The following EML1 variants were observed in gnomAD, a reference collection of about 807,000 sequenced individuals.
EML1 encodes echinoderm microtubule-associated protein-like 1.
EML1 carries 27 observed loss-of-function variants against 110.4 expected under a neutral mutation model. The ratio of observed to expected loss-of-function variants is 0.24; its 90% CI spans 0.18 to 0.34. The LOEUF (loss-of-function observed/expected upper bound fraction) is 0.34. Ranked by LOEUF, EML1 falls within the 10% of genes least tolerant of loss-of-function variation. EML1 has a pLI of 1.00. For missense variants in EML1, 741 were observed against 1,030.9 expected, an observed-to-expected ratio of 0.72 and a Z score of 3.85; for synonymous variants, 344 against 385.8, an observed-to-expected ratio of 0.89 and a Z score of 1.27.
At chr14:99,878,866 A>G (rs1240116912) in intron 4 of EML1, among the ~76,000 whole-genome samples, 1 of 152,218 alleles carries the variant, frequency 6.6e-6, no homozygotes, top group Non-Finnish European at 1.5e-5. Context: ...TCTCATGTAG[A>G]CATAAGTAGT....
chr14:99,775,596 G>T (rs1173588610), intron 1 of EML1, among the ~76,000 whole-genome samples: 1 of 152,238 alleles, frequency 6.6e-6, no homozygotes, highest in Non-Finnish European at 1.5e-5. Flanking sequence ...AGGCCCATGG[G>T]CTGGGTTTAC....
chr14:99,901,198 A>T (rs2059757600), intron 9 of EML1, among the ~76,000 whole-genome samples, 159 bp downstream of exon 9: 1 of 152,170 alleles, frequency 6.6e-6, no homozygotes, highest in Non-Finnish European at 1.5e-5. Flanking sequence ...CCTCAGTCAG[A>T]GGTCATATGC....
At chr14:99,879,075 T>G (rs2059342984) in intron 4 of EML1, among the ~76,000 whole-genome samples, 1 of 152,230 alleles carries the variant, frequency 6.6e-6, no homozygotes, top group Non-Finnish European at 1.5e-5. Context: ...AGGCTATGTT[T>G]CATATTGATG....
intron 1 of EML1, among the ~76,000 whole-genome samples, chr14:99,743,525 G>A (rs928996815): frequency 1.5e-4 from 23 of 152,116 alleles, no homozygotes; most frequent in Admixed American, 1.4e-3. Context: ...TTCCGTGTGC[G>A]GCCTGAGAGA....
chr14:99,923,660 C>T, intron 17 of EML1, among the ~76,000 whole-genome samples: 2 of 52,388 alleles, frequency 3.8e-5, no homozygotes, highest in African/African-American at 9.7e-4. Context: ...TGTGTTTATC[C>T]CCGATTACTG....
rs114958698 is a variant in EML1 at position 99,920,405 on chromosome 14, G to A, written c.1821-384G>A. On this transcript the variant is annotated intron_variant, in intron 16 of 21. Coordinates refer to ENST00000262233, the MANE Select transcript of EML1 (RefSeq NM_004434.3). ...CCATCCTCCTGCATGGTCCTGCTTCGCCCTGGAAACCTGGGTGAGCTCTTG... is the reference window on the plus strand; with the variant it reads ...CCATCCTCCTGCATGGTCCTGCTTCACCCTGGAAACCTGGGTGAGCTCTTG... 7.4e-3 allele frequency among the ~76,000 whole-genome samples: 1,127 copies of A among 152,218 alleles called. 10 individuals carry two copies. The highest frequency in any genetic ancestry group is 0.025 in the African/African-American group (1,047 of 41,536).
At chr14:99,798,747 CATT>C (rs1427841106) in intron 1 of EML1, among the ~76,000 whole-genome samples, 1 of 152,148 alleles carries the variant, frequency 6.6e-6, no homozygotes, top group Non-Finnish European at 1.5e-5. Context: ...TGTCACATCA[CATT>C]ATTACCTTTT....
chr14:99,897,894 C>T (rs188339388), intron 7 of EML1, among the ~76,000 whole-genome samples: 4 of 152,146 alleles, frequency 2.6e-5, no homozygotes, highest in East Asian at 1.9e-4. Context: ...ATCCTGTTCA[C>T]GAAAGATGGT....
chr14:99,846,903 C>G (rs993150090), intron 1 of EML1, among the ~76,000 whole-genome samples: 2 of 152,074 alleles, frequency 1.3e-5, no homozygotes, highest in Non-Finnish European at 2.9e-5. Context: ...AGTAGTGAAC[C>G]AACAGAAAAG....
Position 99,827,793 on chromosome 14 carries a change from C to T in EML1, c.68-23060C>T, listed in dbSNP as rs2058384938. ...TCCAGCCTCCAGGATTGTTTAAGCC[C>T]CCCAGTCTGTAGTACTTTGTTATGG... is the stretch of plus-strand genomic sequence containing the variant. On this transcript the variant is annotated intron_variant, in intron 1 of 21. Coordinates refer to ENST00000262233, the MANE Select transcript of EML1 (RefSeq NM_004434.3). This position sits in a 1 kb window ranked among gnomAD's most constrained non-coding sequence, Gnocchi z 4.4. 6.6e-6 allele frequency among the ~76,000 whole-genome samples: 1 copy of T among 152,070 alleles called. No individual in the cohort carries two copies. The highest frequency in any genetic ancestry group is 2.4e-5 in the African/African-American group (1 of 41,412).
intron 3 of EML1, among the ~76,000 whole-genome samples, chr14:99,874,263 C>A (rs554414238): frequency 5.9e-5 from 9 of 152,248 alleles, no homozygotes; most frequent in African/African-American, 2.2e-4. Context: ...ATATAAAGAA[C>A]CATTTATTTT....
rs144897422 is a variant in EML1, at chr14:99,843,108, C to T, written c.68-7745C>T. ...ATCTCTATAAAAAGTTTAAAAATTA[C>T]CTAGATGTGGTGGTGTGCATCTGTA... On this transcript the variant is annotated intron_variant, in intron 1 of 21. Transcript: ENST00000262233. Among the ~76,000 whole-genome samples, 651 of 152,146 alleles carry T rather than the reference C, an allele frequency of 4.3e-3. 14 individuals carry two copies. Among genetic ancestry groups the T allele is most frequent in the Admixed American group, 0.021 (327 of 15,276 alleles).
chr14:99,741,346 T>C lies in EML1; in HGVS notation c.28+3486T>C, dbSNP rs1019117570. Among the ~76,000 whole-genome samples the C allele has an allele frequency of 1.4e-4, 21 of 152,206 alleles. No homozygotes were observed. The East Asian group carries it at 3.7e-3, about 27-fold the overall frequency. ...CATGGCTGCCCTTGCTGGTGCGTTTTGTAAGTGCGTGTGCTGGGAAGTTGT... is the reference window on the plus strand; with the variant it reads ...CATGGCTGCCCTTGCTGGTGCGTTTCGTAAGTGCGTGTGCTGGGAAGTTGT... On this transcript the variant is annotated intron_variant, in intron 1 of 10. Coordinates refer to the EML1 transcript ENST00000554479.
Position 99,939,151 on chromosome 14 carries a change from G to T in EML1, c.2192-46G>T. 6.2e-7 allele frequency: 1 copy of T among 1,606,330 alleles called. No homozygotes were observed. Reference sequence around the variant, plus strand: ...GGCGCTTCCTGCGCCATGTGGCCCTGTGGCCCCTGGTGTTTCCAGCGCCCT... The same window carrying T: ...GGCGCTTCCTGCGCCATGTGGCCCTTTGGCCCCTGGTGTTTCCAGCGCCCT... On this transcript the variant is annotated intron_variant, in intron 20 of 21. Transcript: ENST00000262233. The surrounding 1 kb of genome is among the most constrained non-coding windows in gnomAD (Gnocchi z 4.2).
chr14:99,878,483 A>C lies in EML1; in HGVS notation c.384-2A>C. 6.2e-7 allele frequency: 1 copy of C among 1,609,536 alleles called. No individual in the cohort carries two copies. Among genetic ancestry groups the C allele is most frequent in the Non-Finnish European group, 8.5e-7 (1 of 1,178,628 alleles). ...TCACTGTCACTTCCATTCCACCCTT[A>C]GTAACATCAAGAGGACCAGCTCTTC... On this transcript the variant is annotated splice_acceptor_variant, in intron 3 of 21. Coordinates refer to ENST00000262233, the MANE Select transcript of EML1 (RefSeq NM_004434.3). LOFTEE classifies it high-confidence loss of function.
At chr14:99,869,624 G>A (rs1175238770) in intron 3 of EML1, among the ~76,000 whole-genome samples, 1 of 152,192 alleles carries the variant, frequency 6.6e-6, no homozygotes, top group Non-Finnish European at 1.5e-5. Flanking sequence ...AGCCAGGATA[G>A]ACCATCATGT....
intron 1 of EML1, among the ~76,000 whole-genome samples, chr14:99,738,824 G>A (rs1208861931): frequency 6.6e-6 from 1 of 152,160 alleles, no homozygotes; most frequent in African/African-American, 2.4e-5. Flanking sequence ...GGCAGCCCAG[G>A]CAGCCAGGTC....
At chr14:99,792,064 C>A (rs1385310986), upstream of EML1, among the ~76,000 whole-genome samples, 1 of 152,198 alleles carries the variant, frequency 6.6e-6, no homozygotes, top group Non-Finnish European at 1.5e-5. Flanking sequence ...TAAACTTCTC[C>A]CTCTGCCCAC....
At chr14:99,907,047 G>A (rs2059859848) in intron 9 of EML1, 2 of 152,468 alleles carry the variant, frequency 1.3e-5, no homozygotes, top group South Asian at 2.1e-4. Context: ...AGGGGCTCTT[G>A]TTTTCATGGA....
Sources: allele counts gnomAD v4.1 joint callset (sites outside exome capture counted in the v4.1 genomes callset), GRCh38; gene constraint gnomAD v4.1.1; non-coding constraint Gnocchi (gnomAD v3.1); transcripts MANE v1.5; gene names NCBI Gene and HGNC (gene_info 2026-07-23, HGNC 2026-07-21).